The following ITGA4 variants were observed in gnomAD, a reference collection of about 807,000 sequenced individuals.
ITGA4 encodes the protein integrin subunit alpha 4, also known as integrin alpha-4.
A neutral mutation model predicts 133.6 loss-of-function variants in ITGA4; 63 were observed. The ratio of observed to expected loss-of-function variants is 0.47; its 90% CI spans 0.38 to 0.58. ITGA4 has a LOEUF of 0.58. Ranked by LOEUF, ITGA4 falls within the 20% of genes least tolerant of loss-of-function variation. ITGA4 has a pLI of 0.00. For missense variants in ITGA4, 1,076 were observed against 1,252.7 expected (o/e 0.86, Z 2.13); for synonymous variants, 483 against 438.0 (o/e 1.10, Z -1.28).
intron 10 of ITGA4, 49 bp downstream of exon 10, chr2:181,486,041 T>G (rs1685908251): frequency 1.9e-6 from 3 of 1,543,532 alleles, no homozygotes. Context: ...TTAAAATGGT[T>G]TATGGAAGAA....
At chr2:181,504,050 A>G (rs948680818) in intron 15 of ITGA4, among the ~76,000 whole-genome samples, 1 of 152,040 alleles carries the variant, frequency 6.6e-6, no homozygotes, top group South Asian at 2.1e-4. Flanking sequence ...CAAAATATCC[A>G]CTGATATTTG....
In ITGA4 at chr2:181,477,306, C is replaced by A. The variant is rs538322001; in HGVS notation, c.557-1451C>A. On this transcript the variant is annotated intron_variant, in intron 4 of 27. Transcript: ENST00000397033. ...AAAAGCTACTTGACATTAGTCTAGG[C>A]AATGAGTTTTTGGAAATTACACCAA... 1.8e-4 allele frequency among the ~76,000 whole-genome samples: 27 copies of A among 152,012 alleles called. No individual in the cohort carries two copies. In the South Asian group the frequency reaches 5.4e-3, roughly 30 times the overall value.
intron 10 of ITGA4, among the ~76,000 whole-genome samples, chr2:181,490,600 C>T (rs1255329179): frequency 6.6e-6 from 1 of 151,068 alleles, no homozygotes; most frequent in Non-Finnish European, 1.5e-5. Context: ...GGGGGTATGA[C>T]CTCTGTTGTT....
rs1559065519 is a variant in ITGA4 at position 181,538,063 on chromosome 2, G to GAAAAATTGTATCCACA, written c.*2536_*2537insAAAAATTGTATCCACA. Reference sequence around the variant, plus strand: ...ATCCTGAAACCATTCCCCCATCCACGGAAAAATTGTCTTCCATGAAACTGG... The same window carrying GAAAAATTGTATCCACA: ...ATCCTGAAACCATTCCCCCATCCACGAAAAATTGTATCCACAGAAAAATTGTCTTCCATGAAACTGG... On this transcript the variant is annotated 3_prime_UTR_variant, in exon 28 of 28. Transcript: ENST00000397033. 1 of 716,512 alleles carries GAAAAATTGTATCCACA rather than the reference G, an allele frequency of 1.4e-6. No homozygotes were observed. The highest frequency in any genetic ancestry group is 2.7e-5 in the East Asian group (1 of 37,064). 44.4% of individuals were successfully genotyped at this position (716,512 alleles called of 1,614,324 possible). A position where few individuals can be genotyped will look rare whatever the true frequency, so the allele number is the denominator to read the frequency against.
rs1686924794 is a variant in ITGA4 at position 181,530,593 on chromosome 2, A to G, written c.2608A>G (p.Met870Val). 4 of 1,613,132 alleles carry G rather than the reference A, an allele frequency of 2.5e-6. No homozygotes were observed. Among genetic ancestry groups the G allele is most frequent in the Non-Finnish European group, 3.4e-6 (4 of 1,179,278 alleles). Residue 870 changes from methionine to valine, a missense_variant, in exon 24 of 28, where the codon ATG (methionine) becomes GTG (valine). Coordinates refer to ENST00000397033, the MANE Select transcript of ITGA4 (RefSeq NM_000885.6). ...TGCATTAGAGCAGCAAAAGAGTGCA[A>G]TGCAGACCTTGAAAGGCATAGTCCG... ...VCALEQQKSA[M>V]QTLKGIVRFL...
chr2:181,510,096 T>C (rs1686477934), intron 16 of ITGA4, among the ~76,000 whole-genome samples: 1 of 152,046 alleles, frequency 6.6e-6, no homozygotes, highest in South Asian at 2.1e-4. Context: ...TAGAGAGAAA[T>C]CATAATGGGA....
At chr2:181,463,251 G>A (rs1685330606) in intron 2 of ITGA4, among the ~76,000 whole-genome samples, 1 of 152,148 alleles carries the variant, frequency 6.6e-6, no homozygotes, top group South Asian at 2.1e-4. Flanking sequence ...GGTTAGAGAG[G>A]CAGGCAGGAA....
chr2:181,522,078 A>T (rs1686732306), intron 17 of ITGA4, 113 bp from the exon 18 acceptor site: 1 of 534,952 alleles, frequency 1.9e-6, no homozygotes, highest in South Asian at 4.6e-5. Flanking sequence ...TTTTCCAAGA[A>T]AATTAGTATT....
chr2:181,484,097 C>T (rs888429616), intron 9 of ITGA4, among the ~76,000 whole-genome samples: 31 of 152,170 alleles, frequency 2.0e-4, no homozygotes, highest in Admixed American at 1.8e-3. Flanking sequence ...TGGCACTAAC[C>T]ACTAAGTGGC....
chr2:181,474,467 C>A (rs1250384778), intron 2 of ITGA4, among the ~76,000 whole-genome samples: 1 of 152,182 alleles, frequency 6.6e-6, no homozygotes, highest in Non-Finnish European at 1.5e-5. Flanking sequence ...GTATGTTCCA[C>A]TTTCTGCATG....
rs1233575076 is a variant in ITGA4 at position 181,537,497 on chromosome 2, G to T, written c.*1970G>T. On this transcript the variant is annotated 3_prime_UTR_variant, in exon 28 of 28. Coordinates refer to ENST00000397033, the MANE Select transcript of ITGA4 (RefSeq NM_000885.6). ...GACAGGGATGGGTTATTCTTTTTTG[G>T]CAGGTAGGCTATATAACTATGTGAT... The T allele has an allele frequency of 4.4e-6, 2 of 453,318 alleles. No homozygotes were observed. Among genetic ancestry groups the T allele is most frequent in the East Asian group, 1.4e-4 (2 of 14,392 alleles). 28.1% of individuals were successfully genotyped at this position (453,318 alleles called of 1,614,324 possible). A position where few individuals can be genotyped will look rare whatever the true frequency, so the allele number is the denominator to read the frequency against.
At chr2:181,494,664 C>A in intron 11 of ITGA4, 58 bp from the exon 12 acceptor site, 1 of 868,404 alleles carries the variant, frequency 1.2e-6, no homozygotes, top group South Asian at 1.3e-5. Context: ...TAAATCATTG[C>A]TTCTCTGGTA....
At chr2:181,471,818 A>G (rs1008840726) in intron 2 of ITGA4, among the ~76,000 whole-genome samples, 1 of 152,146 alleles carries the variant, frequency 6.6e-6, no homozygotes, top group Non-Finnish European at 1.5e-5. Flanking sequence ...TTAAGTAAAC[A>G]TCTCTTTCTT....
Position 181,522,217 on chromosome 2 carries a change from C to T in ITGA4, c.1949C>T (p.Ala650Val), listed in dbSNP as rs1309398967. The change falls in exon 18 of 28, where the codon GCT (alanine) becomes GTT (valine). Residue 650 changes from alanine to valine, a missense_variant. Physicochemically the swap from Ala to Val is moderately conservative, Grantham distance 64. Coordinates refer to ENST00000397033, the MANE Select transcript of ITGA4 (RefSeq NM_000885.6). ...CCCCATGAAAATAAAACATATCTTG[C>T]TGTTGGGAGTATGAAGACATTGATG... ...LKPHENKTYL[A>V]VGSMKTLMLN... 3 of 1,588,992 alleles carry T rather than the reference C, an allele frequency of 1.9e-6. No individual in the cohort carries two copies. The highest frequency in any genetic ancestry group is 2.6e-6 in the Non-Finnish European group (3 of 1,165,042).
At chr2:181,506,007 T>C (rs1287166554) in intron 15 of ITGA4, among the ~76,000 whole-genome samples, 1 of 152,118 alleles carries the variant, frequency 6.6e-6, no homozygotes, top group Non-Finnish European at 1.5e-5. Flanking sequence ...AGCATTCCTA[T>C]ACGGTCAAAG....
Position 181,511,790 on chromosome 2 carries a change from T to C in ITGA4, c.1922+15T>C. ...GGGTTTTTGAAGTAAGTATATGTGGTATATAGTCTCTGTTATTCATCGAGA... is the reference window on the plus strand; with the variant it reads ...GGGTTTTTGAAGTAAGTATATGTGGCATATAGTCTCTGTTATTCATCGAGA... On this transcript the variant is annotated intron_variant, in intron 17 of 27. Transcript: ENST00000397033. 1 of 1,281,478 alleles carries C rather than the reference T, an allele frequency of 7.8e-7. No homozygotes were observed. The highest frequency in any genetic ancestry group is 1.1e-6 in the Non-Finnish European group (1 of 882,262). The allele number at this position is 1,281,478 out of a possible 1,614,324, so 79.4% of individuals were successfully genotyped here.
intron 15 of ITGA4, among the ~76,000 whole-genome samples, chr2:181,508,169 G>A (rs955202839): frequency 1.3e-4 from 19 of 151,702 alleles, no homozygotes; most frequent in African/African-American, 4.6e-4. Flanking sequence ...AACTCGAGCT[G>A]TTTCTTTGGA....
chr2:181,490,394 C>T (rs1441074517), intron 10 of ITGA4, among the ~76,000 whole-genome samples: 1 of 151,700 alleles, frequency 6.6e-6, no homozygotes, highest in African/African-American at 2.4e-5. Context: ...TGGCTTGTTT[C>T]ATTTAAGATA....
intron 7 of ITGA4, 145 bp from the exon 8 acceptor site, chr2:181,482,215 T>C: frequency 2.5e-6 from 2 of 785,226 alleles, no homozygotes; most frequent in Non-Finnish European, 1.9e-6. Context: ...CCAAACCCTT[T>C]TGTGTCACTC....
Sources: gnomAD v4.1 joint callset for allele counts (sites outside exome capture counted in the v4.1 genomes callset) on GRCh38, gnomAD v4.1.1 for gene constraint, MANE v1.5 for transcripts, NCBI Gene and HGNC (gene_info 2026-07-23, HGNC 2026-07-21) for gene names.